The following NT5DC3 variants were observed in gnomAD, a reference collection of about 807,000 sequenced individuals.
NT5DC3 encodes the protein 5'-nucleotidase domain containing 3.
A neutral mutation model predicts 67.8 loss-of-function variants in NT5DC3; 42 were observed. The observed-to-expected ratio is 0.62, with a 90% CI of 0.48 to 0.80. The LOEUF (loss-of-function observed/expected upper bound fraction) is 0.80, where lower values mean the gene tolerates loss of function less well. NT5DC3 is among the 30% of genes least tolerant of loss of function. NT5DC3 has a pLI of 0.00. For synonymous variants in NT5DC3, 237 were observed against 255.6 expected, an observed-to-expected ratio of 0.93 and a Z score of 0.69; for missense variants, 570 against 696.4, an observed-to-expected ratio of 0.82 and a Z score of 2.04.
At chr12:103,840,574 A>G (rs1157112502) in intron 1 of NT5DC3, among the ~76,000 whole-genome samples, 3 of 150,748 alleles carry the variant, frequency 2.0e-5, no homozygotes, top group East Asian at 2.0e-4. Flanking sequence ...TATTATTACT[A>G]TTGATGAGTA....
the NT5DC3 span, chr12:103,746,512 A>G: frequency 7.7e-7 from 1 of 1,292,334 alleles, no homozygotes; most frequent in Admixed American, 1.7e-5. Flanking sequence ...GTGGTCGTCC[A>G]GAGAGAGTCT....
At chr12:103,837,923 A>G (rs1349181198) in intron 1 of NT5DC3, among the ~76,000 whole-genome samples, 2 of 151,956 alleles carry the variant, frequency 1.3e-5, no homozygotes, top group Admixed American at 6.6e-5. Context: ...ACCCCACTCT[A>G]CTGGTACCAA....
intron 2 of NT5DC3, among the ~76,000 whole-genome samples, chr12:103,811,151 G>T (rs1887011798): frequency 6.6e-6 from 1 of 152,216 alleles, no homozygotes; most frequent in Non-Finnish European, 1.5e-5. Context: ...ACTGACAAAA[G>T]TGTCTGCCCC....
the NT5DC3 span, among the ~76,000 whole-genome samples, chr12:103,765,059 CT>C: frequency 8.4e-6 from 1 of 119,270 alleles, no homozygotes; most frequent in Non-Finnish European, 1.6e-5. Flanking sequence ...TGCACTCCAG[CT>C]TGGGCAGCAG....
chr12:103,785,240 T>C, intron 12 of NT5DC3, 95 bp downstream of exon 12: 1 of 1,222,372 alleles, frequency 8.2e-7, no homozygotes, highest in African/African-American at 1.5e-5. Flanking sequence ...AACTTAAGCC[T>C]CATATTTTAT....
At chr12:103,766,163 C>T, downstream of NT5DC3, 2 of 1,316,684 alleles carry the variant, frequency 1.5e-6, no homozygotes, top group Non-Finnish European at 2.2e-6. Flanking sequence ...ACAAACACGC[C>T]CAGCACATAC....
intron 1 of NT5DC3, among the ~76,000 whole-genome samples, chr12:103,818,868 AT>A (rs887936726): frequency 6.6e-6 from 1 of 152,140 alleles, no homozygotes; most frequent in African/African-American, 2.4e-5. Context: ...TGCTGATGAT[AT>A]TTTCTGAATA....
intron 2 of NT5DC3, among the ~76,000 whole-genome samples, chr12:103,810,113 T>A (rs1886967222): frequency 6.6e-6 from 1 of 152,218 alleles, no homozygotes; most frequent in South Asian, 2.1e-4. Flanking sequence ...GATTGAGAAC[T>A]GGCGGCCTGG....
chr12:103,749,338 G>A, the NT5DC3 span, among the ~76,000 whole-genome samples: 8 of 152,282 alleles, frequency 5.3e-5, no homozygotes, highest in Non-Finnish European at 1.0e-4. Flanking sequence ...GCAGAAAAAG[G>A]ACGTCCATGG....
intron 12 of NT5DC3, among the ~76,000 whole-genome samples, chr12:103,782,452 C>T (rs1162794819): frequency 6.6e-6 from 1 of 152,184 alleles, no homozygotes; most frequent in Non-Finnish European, 1.5e-5. Flanking sequence ...TTTATTGGGA[C>T]ACAGCTACAA....
intron 2 of NT5DC3, among the ~76,000 whole-genome samples, chr12:103,808,444 C>T (rs1181847581): frequency 1.3e-5 from 2 of 152,208 alleles, no homozygotes; most frequent in Non-Finnish European, 2.9e-5. Context: ...GCCCAGGAAA[C>T]CTCCTTCCAT....
intron 1 of NT5DC3, among the ~76,000 whole-genome samples, chr12:103,817,224 A>G (rs1887301279): frequency 6.6e-6 from 1 of 152,208 alleles, no homozygotes. Context: ...TTCAGGATCA[A>G]AGACTGAGCA....
chr12:103,791,960 C>A (rs1451995765), intron 9 of NT5DC3, among the ~76,000 whole-genome samples: 2 of 152,162 alleles, frequency 1.3e-5, no homozygotes, highest in Non-Finnish European at 2.9e-5. Flanking sequence ...GCCCCTGGTG[C>A]CAAAAAGGTT....
In NT5DC3 at chr12:103,777,782, T is replaced by C. The variant is rs763472568; in HGVS notation, c.*47A>G. 136 of 1,572,998 alleles carry C rather than the reference T, an allele frequency of 8.6e-5. No individual in the cohort carries two copies. The Middle Eastern group carries it at 9.0e-4, about 10-fold the overall frequency. On this transcript the variant is annotated 3_prime_UTR_variant, in exon 14 of 14. Transcript: ENST00000392876. Reference sequence around the variant, plus strand: ...GACCCACATGAAGTCAACCCCATCATGCCTGCCCAATCAGGGGCAGTTACA... The same window carrying C: ...GACCCACATGAAGTCAACCCCATCACGCCTGCCCAATCAGGGGCAGTTACA...
the NT5DC3 span, among the ~76,000 whole-genome samples, chr12:103,747,399 C>A: frequency 6.6e-6 from 1 of 152,154 alleles, no homozygotes; most frequent in Admixed American, 6.5e-5. Context: ...TCTGAAAGCT[C>A]ATTTTGGGGG....
chr12:103,780,476 C>A (rs1885505473), intron 12 of NT5DC3, 112 bp from the exon 13 acceptor site: 1 of 902,576 alleles, frequency 1.1e-6, no homozygotes, highest in East Asian at 2.5e-5. Flanking sequence ...TCCCTTACAT[C>A]TCAGAGGCTG....
At chr12:103,808,559 C>G (rs1886899373) in intron 2 of NT5DC3, among the ~76,000 whole-genome samples, 1 of 152,180 alleles carries the variant, frequency 6.6e-6, no homozygotes, top group South Asian at 2.1e-4. Flanking sequence ...TCAAGCTGCA[C>G]AAAGCACTAA....
At chr12:103,815,328 A>G (rs1426129370) in intron 1 of NT5DC3, among the ~76,000 whole-genome samples, 1 of 152,216 alleles carries the variant, frequency 6.6e-6, no homozygotes, top group Non-Finnish European at 1.5e-5. Flanking sequence ...CCATAGGCAC[A>G]GAAAGGAGAT....
At chr12:103,810,392 T>C (rs989505897) in intron 2 of NT5DC3, among the ~76,000 whole-genome samples, 1 of 152,244 alleles carries the variant, frequency 6.6e-6, no homozygotes, top group African/African-American at 2.4e-5. Flanking sequence ...CAGCAGCCAG[T>C]TGGTTACAGT....
Sources: gnomAD v4.1 joint callset for allele counts (sites outside exome capture counted in the v4.1 genomes callset) on GRCh38, gnomAD v4.1.1 for gene constraint, MANE v1.5 for transcripts, NCBI Gene and HGNC (gene_info 2026-07-23, HGNC 2026-07-21) for gene names.